The following CPS1 variants were observed in gnomAD, a reference collection of about 807,000 sequenced individuals.
CPS1 encodes the protein carbamoyl-phosphate synthase [ammonia], mitochondrial.
Under a neutral mutation model 174.6 loss-of-function variants are expected in CPS1, and 109 were observed. The ratio of observed to expected loss-of-function variants is 0.62; its 90% CI spans 0.53 to 0.73. The LOEUF (loss-of-function observed/expected upper bound fraction) is 0.73. CPS1 is among the 30% of genes least tolerant of loss of function. The pLI, the probability that CPS1 is intolerant of heterozygous loss-of-function variation, is 0.00. For missense variants in CPS1, 1,689 were observed against 1,821.9 expected, an observed-to-expected ratio of 0.93 and a Z score of 1.33; for synonymous variants, 637 against 632.0, an observed-to-expected ratio of 1.01 and a Z score of -0.12.
chr2:210,603,811 T>C (rs1223813199), intron 16 of CPS1, among the ~76,000 whole-genome samples: 1 of 151,868 alleles, frequency 6.6e-6, no homozygotes, highest in African/African-American at 2.4e-5. Context: ...TATCATTATG[T>C]CCTAAACAAT....
At chr2:210,566,383 G>A (rs939368861) in intron 1 of CPS1, among the ~76,000 whole-genome samples, 6 of 152,032 alleles carry the variant, frequency 3.9e-5, no homozygotes, top group Admixed American at 2.0e-4. Flanking sequence ...AATTGTTCTC[G>A]AAACCTGCTG....
chr2:210,541,777 T>C (rs1283540902), intron 1 of CPS1, among the ~76,000 whole-genome samples: 1 of 152,192 alleles, frequency 6.6e-6, no homozygotes, highest in Non-Finnish European at 1.5e-5. Flanking sequence ...CCAGACTGCT[T>C]TGTAATGTAA....
chr2:210,608,320 T>C (rs1220860638), intron 18 of CPS1, 41 bp from the exon 19 acceptor site: 12 of 1,592,038 alleles, frequency 7.5e-6, no homozygotes, highest in Admixed American at 1.7e-5. Context: ...TTTTCAATAA[T>C]TGCTCGAAGA....
At chr2:210,599,616 G>GTATTT in intron 14 of CPS1, 55 bp downstream of exon 14, 1 of 1,548,688 alleles carries the variant, frequency 6.5e-7, no homozygotes, top group Non-Finnish European at 8.9e-7. Flanking sequence ...GCTGTGTAAT[G>GTATTT]TATTTTATTT....
chr2:210,630,788 C>T (rs1385079737), intron 21 of CPS1, among the ~76,000 whole-genome samples: 3 of 152,162 alleles, frequency 2.0e-5, no homozygotes, highest in Non-Finnish European at 4.4e-5. Context: ...AGCAACTTGT[C>T]TCCTTGAATG....
chr2:210,493,688 C>T (rs1694922112), intron 1 of CPS1, among the ~76,000 whole-genome samples: 1 of 152,136 alleles, frequency 6.6e-6, no homozygotes, highest in Non-Finnish European at 1.5e-5. Flanking sequence ...ATTTGTCTTG[C>T]CTATTTATAA....
upstream of CPS1, among the ~76,000 whole-genome samples, chr2:210,552,590 C>T (rs1194223127): frequency 6.6e-6 from 1 of 151,924 alleles, no homozygotes; most frequent in Non-Finnish European, 1.5e-5. Flanking sequence ...CTCTTCATTC[C>T]AAAACCTAAG....
At chr2:210,616,049 A>T (rs1699293972) in intron 20 of CPS1, among the ~76,000 whole-genome samples, 1 of 151,970 alleles carries the variant, frequency 6.6e-6, no homozygotes, top group South Asian at 2.1e-4. Context: ...TTAATTCTAG[A>T]TTTTCTTACC....
rs1697029041 is a variant in CPS1 at position 210,559,484 on chromosome 2, G to C, written c.126+2625G>C. On this transcript the variant is annotated intron_variant, in intron 1 of 37. Transcript: ENST00000233072. ...GAGTGCTTTGCCAATCGGCACAGTT[G>C]TATTTTACTTACAGGAAAGAGGAAA... 2.0e-5 allele frequency among the ~76,000 whole-genome samples: 3 copies of C among 152,088 alleles called. No homozygotes were observed. The South Asian group carries it at 6.2e-4, about 31-fold the overall frequency.
intron 1 of CPS1, among the ~76,000 whole-genome samples, chr2:210,536,241 C>G (rs955955669): frequency 6.6e-6 from 1 of 151,396 alleles, no homozygotes; most frequent in Non-Finnish European, 1.5e-5. Context: ...GAAATCAGTT[C>G]TCTAGTTACT....
intron 34 of CPS1, chr2:210,673,875 A>G (rs1161742064): frequency 6.6e-6 from 1 of 152,138 alleles, no homozygotes; most frequent in Non-Finnish European, 1.5e-5. Context: ...AACACAGTTT[A>G]ATAAGGTGTG....
intron 1 of CPS1, among the ~76,000 whole-genome samples, chr2:210,544,343 T>C (rs1696509469): frequency 6.6e-6 from 1 of 152,090 alleles, no homozygotes; most frequent in Non-Finnish European, 1.5e-5. Flanking sequence ...AGAGCTCTTC[T>C]TGATGATTAA....
intron 1 of CPS1, among the ~76,000 whole-genome samples, chr2:210,525,327 A>G (rs1695943566): frequency 6.6e-6 from 1 of 151,930 alleles, no homozygotes. Flanking sequence ...TATCTGAGAG[A>G]CTATGCTGTC....
intron 1 of CPS1, among the ~76,000 whole-genome samples, chr2:210,548,336 C>T (rs942993970): frequency 6.6e-6 from 1 of 152,032 alleles, no homozygotes; most frequent in African/African-American, 2.4e-5. Flanking sequence ...TTAACTTCCT[C>T]ATACCGAGTT....
intron 1 of CPS1, among the ~76,000 whole-genome samples, chr2:210,570,339 T>C (rs939243814): frequency 6.6e-6 from 1 of 151,798 alleles, no homozygotes; most frequent in Non-Finnish European, 1.5e-5. Flanking sequence ...ACTACAGAGA[T>C]GGAAAGCAAA....
At chr2:210,658,956 G>A (rs1700816423) in intron 31 of CPS1, among the ~76,000 whole-genome samples, 1 of 152,170 alleles carries the variant, frequency 6.6e-6, no homozygotes, top group South Asian at 2.1e-4. Flanking sequence ...CTACAGTATA[G>A]TATAGATGGA....
rs140232625 is a variant in CPS1, at chr2:210,607,867, A to G, written c.2193-494A>G. On this transcript the variant is annotated intron_variant, in intron 18 of 37. Coordinates refer to ENST00000233072, the MANE Select transcript of CPS1 (RefSeq NM_001875.5). ...TAGTTTTGTAAGGAGCCCAAAGTTC[A>G]AAGATAATTTGGAGACAGAGCAAGG... 2.6e-5 allele frequency among the ~76,000 whole-genome samples: 4 copies of G among 152,000 alleles called. No individual in the cohort carries two copies. In the East Asian group the frequency reaches 7.8e-4, roughly 30 times the overall value.
chr2:210,580,978 A>G (rs1048589048), intron 5 of CPS1, among the ~76,000 whole-genome samples: 1 of 152,160 alleles, frequency 6.6e-6, no homozygotes, highest in African/African-American at 2.4e-5. Flanking sequence ...CAGAAGGAAA[A>G]AACAGCTTTG....
intron 16 of CPS1, among the ~76,000 whole-genome samples, chr2:210,603,074 A>G (rs1193977954): frequency 6.6e-6 from 1 of 151,942 alleles, no homozygotes; most frequent in Non-Finnish European, 1.5e-5. Context: ...TCTATACTCT[A>G]TTTCCACAAA....
Sources: gnomAD v4.1 joint callset for allele counts (sites outside exome capture counted in the v4.1 genomes callset) on GRCh38, gnomAD v4.1.1 for gene constraint, MANE v1.5 for transcripts, NCBI Gene and HGNC (gene_info 2026-07-23, HGNC 2026-07-21) for gene names.